WAPL: variants seen among roughly 807,000 people sequenced by gnomAD.
WAPL encodes wings apart-like protein homolog.
WAPL carries 5 observed loss-of-function variants against 121.0 expected under a neutral mutation model. The observed-to-expected ratio is 0.04, with a 90% CI of 0.02 to 0.09. WAPL has a LOEUF of 0.09. WAPL is among the 10% of genes least tolerant of loss of function. The pLI, the probability that WAPL is intolerant of heterozygous loss-of-function variation, is 1.00. For missense variants in WAPL, 999 were observed against 1,410.8 expected (o/e 0.71, Z 4.68); for synonymous variants, 480 against 481.5 (o/e 1.00, Z 0.04).
intron 8 of WAPL, 69 bp downstream of exon 8, chr10:86,470,923 T>C: frequency 7.9e-7 from 1 of 1,271,990 alleles, no homozygotes; most frequent in Non-Finnish European, 1.1e-6. Context: ...AGTGAAGATA[T>C]TTTTGATAGC....
intron 4 of WAPL, among the ~76,000 whole-genome samples, chr10:86,481,576 T>A (rs1418180167): frequency 6.6e-6 from 1 of 152,162 alleles, no homozygotes; most frequent in Non-Finnish European, 1.5e-5. Flanking sequence ...TTTATCCATG[T>A]TGGTCAGGCT....
chr10:86,449,462 A>C (rs1378625383), intron 15 of WAPL, among the ~76,000 whole-genome samples: 1 of 152,258 alleles, frequency 6.6e-6, no homozygotes, highest in Non-Finnish European at 1.5e-5. Context: ...AGATAAAAGA[A>C]AGACAGAGAA....
chr10:86,475,719 C>G (rs1250098152), intron 4 of WAPL, among the ~76,000 whole-genome samples: 2 of 152,204 alleles, frequency 1.3e-5, no homozygotes, highest in Non-Finnish European at 2.9e-5. Context: ...TCTATTCCTT[C>G]CATTCTTTTC....
rs531404303 is a variant in WAPL, at chr10:86,505,300, C to CTTTTTTTTT, written c.500-4566_500-4558dup. On this transcript the variant is annotated intron_variant, in intron 2 of 18. Transcript: ENST00000298767. ...CAAGCTTCAGCCACAGTGCCCAACT[C>CTTTTTTTTT]TTTTTTTTTTTTTTTTTTTTTTTTT... Among the ~76,000 whole-genome samples, 88 of 44,648 alleles carry CTTTTTTTTT rather than the reference C, an allele frequency of 2.0e-3. 15 individuals carry two copies. Among genetic ancestry groups the CTTTTTTTTT allele is most frequent in the Non-Finnish European group, 3.0e-3 (73 of 24,346 alleles). The allele number at this position is 44,648 out of a possible 152,430, so 29.3% of individuals were successfully genotyped here.
intron 4 of WAPL, among the ~76,000 whole-genome samples, chr10:86,495,183 T>C (rs1842126448): frequency 6.6e-6 from 1 of 152,052 alleles, no homozygotes; most frequent in Non-Finnish European, 1.5e-5. Flanking sequence ...AAAGGCGAAG[T>C]CAAATTATTC....
Position 86,472,528 on chromosome 10 carries a change from G to A in WAPL, c.1893+84C>T. Reference sequence around the variant, plus strand: ...GTTCAAAACTGAGTATCAGTATACTGATATTTGTTGAAGATATTAAATGGC... The same window carrying A: ...GTTCAAAACTGAGTATCAGTATACTAATATTTGTTGAAGATATTAAATGGC... On this transcript the variant is annotated intron_variant, in intron 6 of 18. Coordinates refer to ENST00000298767, the MANE Select transcript of WAPL (RefSeq NM_015045.5). This position sits in a 1 kb window ranked among gnomAD's most constrained non-coding sequence, Gnocchi z 4.2. 1 of 1,560,170 alleles carries A rather than the reference G, an allele frequency of 6.4e-7. No homozygotes were observed. The highest frequency in any genetic ancestry group is 8.7e-7 in the Non-Finnish European group (1 of 1,151,976).
intron 14 of WAPL, 36 bp from the exon 15 acceptor site, chr10:86,452,167 T>G: frequency 6.3e-7 from 1 of 1,595,976 alleles, no homozygotes; most frequent in Non-Finnish European, 8.6e-7. Context: ...TTATCAGAGA[T>G]GAGTACTTAA....
chr10:86,503,646 G>A (rs1402667573), intron 2 of WAPL, among the ~76,000 whole-genome samples: 11 of 151,584 alleles, frequency 7.3e-5, no homozygotes, highest in East Asian at 2.0e-4. Flanking sequence ...CCAGCTACCC[G>A]GGAGGCTGAG....
intron 1 of WAPL, among the ~76,000 whole-genome samples, chr10:86,518,627 G>C (rs1191868140): frequency 1.3e-5 from 2 of 152,184 alleles, no homozygotes; most frequent in Admixed American, 6.5e-5. Context: ...AGAACCGCTT[G>C]AACTCAGGAG....
Position 86,459,000 on chromosome 10 carries a change from A to C in WAPL, c.2646T>G (p.Val882=). ...AACAAAAAACTTACTTAGCTGATGA[A>C]ACAATAAGTTGGGAATCTTTATATG... ...LIAYKDSQLI[V]SSAKALQHCE... The change falls in exon 12 of 19, where the codon GTT becomes GTG. Residue 882 remains valine (V), a synonymous_variant. Coordinates refer to ENST00000298767, the MANE Select transcript of WAPL (RefSeq NM_015045.5). The C allele has an allele frequency of 6.2e-7, 1 of 1,608,270 alleles. No individual in the cohort carries two copies. Among genetic ancestry groups the C allele is most frequent in the Non-Finnish European group, 8.5e-7 (1 of 1,177,608 alleles).
At chr10:86,453,880 C>A (rs201211338) in intron 12 of WAPL, 49 bp from the exon 13 acceptor site, 3 of 1,341,674 alleles carry the variant, frequency 2.2e-6, no homozygotes, top group Non-Finnish European at 2.9e-6. Context: ...ATAATAGGTA[C>A]ACAGCAAATT....
chr10:86,487,632 T>C (rs186818982), intron 4 of WAPL, among the ~76,000 whole-genome samples: 147 of 152,284 alleles, frequency 9.7e-4, no homozygotes, highest in Middle Eastern at 3.4e-3. Context: ...GGCTCACGCC[T>C]GTAATCCCAC....
chr10:86,490,723 A>G (rs187682721), intron 4 of WAPL, among the ~76,000 whole-genome samples: 1 of 152,294 alleles, frequency 6.6e-6, no homozygotes, highest in East Asian at 1.9e-4. Context: ...ATTTTGATAT[A>G]TATGTATGCT....
At chr10:86,470,930 T>TAGCCAA (rs1841520744) in intron 8 of WAPL, 62 bp downstream of exon 8, 2 of 1,322,978 alleles carry the variant, frequency 1.5e-6, no homozygotes, top group Non-Finnish European at 2.1e-6. Flanking sequence ...ATATTTTTGA[T>TAGCCAA]AGCCAAATAG....
chr10:86,450,311 C>T (rs1251330983), intron 15 of WAPL, among the ~76,000 whole-genome samples: 2 of 152,180 alleles, frequency 1.3e-5, no homozygotes, highest in African/African-American at 2.4e-5. Flanking sequence ...TCACGGCTCA[C>T]GACAACTTCA....
intron 4 of WAPL, among the ~76,000 whole-genome samples, chr10:86,484,459 C>T (rs906902213): frequency 2.0e-5 from 3 of 152,148 alleles, no homozygotes; most frequent in Non-Finnish European, 4.4e-5. Context: ...CACACCACTG[C>T]ACTTCAACCT....
rs1346296274 is a variant in WAPL at position 86,452,002 on chromosome 10, C to T, written c.3079G>A (p.Gly1027Ser). ...SGEGDDSLRI[G>S]GQVHAVQALV... is the part of the protein sequence containing the mutation. ...GCCTGGACAGCATGAACTTGTCCAC[C>T]TATCCTTAAACTATCATCCCCTTCT... Residue 1027 changes from glycine (G) to serine (S), a missense_variant, in exon 15 of 19, where the codon GGT becomes AGT. By Grantham distance (56) the Gly-to-Ser change is moderately conservative. This residue lies in a region of WAPL where 126 missense variants were observed against 144.0 expected (regional missense o/e 0.87). Transcript: ENST00000298767. 6.2e-7 allele frequency: 1 copy of T among 1,614,140 alleles called. No homozygotes were observed. Among genetic ancestry groups the T allele is most frequent in the East Asian group, 2.2e-5 (1 of 44,880 alleles).
chr10:86,500,815 G>A, intron 2 of WAPL, 72 bp from the exon 3 acceptor site: 1 of 1,224,780 alleles, frequency 8.2e-7, no homozygotes, highest in Non-Finnish European at 1.1e-6. Flanking sequence ...CATATATGTG[G>A]TTAATCAATA....
chr10:86,518,967 C>T (rs142446867), intron 1 of WAPL, among the ~76,000 whole-genome samples: 4 of 152,146 alleles, frequency 2.6e-5, no homozygotes, highest in African/African-American at 9.7e-5. Context: ...TGCCTTGTCC[C>T]GATAGTGCTG....
Sources: allele counts gnomAD v4.1 joint callset (sites outside exome capture counted in the v4.1 genomes callset), GRCh38; gene constraint gnomAD v4.1.1; regional missense constraint gnomAD v4.1.1; non-coding constraint Gnocchi (gnomAD v3.1); transcripts MANE v1.5; gene names NCBI Gene and HGNC (gene_info 2026-07-23, HGNC 2026-07-21).